MECOM: variants seen among roughly 807,000 people sequenced by gnomAD.
MECOM encodes the protein histone-lysine N-methyltransferase MECOM.
A neutral mutation model predicts 116.3 loss-of-function variants in MECOM; 13 were observed. The ratio of observed to expected loss-of-function variants is 0.11; its 90% CI spans 0.07 to 0.18. The LOEUF (loss-of-function observed/expected upper bound fraction) is 0.18. Ranked by LOEUF, MECOM falls within the 10% of genes least tolerant of loss-of-function variation. The pLI, the probability that MECOM is intolerant of heterozygous loss-of-function variation, is 1.00. For missense variants in MECOM, 1,299 were observed against 1,509.0 expected (o/e 0.86, Z 2.31); for synonymous variants, 528 against 535.2 (o/e 0.99, Z 0.19).
In MECOM at chr3:169,381,383, T is replaced by A; in HGVS notation, c.179A>T (p.Glu60Val). The A allele has an allele frequency of 6.2e-7, 1 of 1,613,908 alleles. No homozygotes were observed. Among genetic ancestry groups the A allele is most frequent in the Non-Finnish European group, 8.5e-7 (1 of 1,179,816 alleles). ...ATSSEAFTPKEGSPYKAPIYI... is the reference protein window; with the variant it reads ...ATSSEAFTPKVGSPYKAPIYI... ...GATGGGGGCTTTGTAAGGAGAACCCTCCTTTGGAGTGAATGCTTCACTGGA... is the reference window on the plus strand; with the variant it reads ...GATGGGGGCTTTGTAAGGAGAACCCACCTTTGGAGTGAATGCTTCACTGGA... The change falls in exon 2 of 17, where the codon GAG becomes GTG. Residue 60 changes from glutamate to valine, a missense_variant. Physicochemically the swap from Glu to Val is moderately radical, Grantham distance 121 (BLOSUM62 -2). Around this residue, in one of 6 missense-constraint regions of MECOM, gnomAD observed 374 missense variants for 433.4 expected, o/e 0.86. Coordinates refer to ENST00000651503, the MANE Select transcript of MECOM (RefSeq NM_004991.4).
intron 1 of MECOM, among the ~76,000 whole-genome samples, chr3:169,392,451 C>A (rs1734365141): frequency 6.6e-6 from 1 of 152,128 alleles, no homozygotes; most frequent in African/African-American, 2.4e-5. Flanking sequence ...AGGTGATAAT[C>A]TTTGCCAAAG....
At chr3:169,570,441 A>T (rs1456912444) in intron 1 of MECOM, among the ~76,000 whole-genome samples, 2 of 152,196 alleles carry the variant, frequency 1.3e-5, no homozygotes, top group Non-Finnish European at 2.9e-5. Flanking sequence ...TCCTTCTGAA[A>T]CTATTCCAAA....
chr3:169,425,921 T>C (rs1431161416), intron 1 of MECOM, among the ~76,000 whole-genome samples: 1 of 152,160 alleles, frequency 6.6e-6, no homozygotes, highest in African/African-American at 2.4e-5. Context: ...TAGAGCCTTT[T>C]GGTAACAGGA....
chr3:169,525,451 G>A (rs968281745), intron 1 of MECOM, among the ~76,000 whole-genome samples: 1 of 152,186 alleles, frequency 6.6e-6, no homozygotes, highest in African/African-American at 2.4e-5. Flanking sequence ...AACAGGGACT[G>A]TAGGGAGTTC....
intron 1 of MECOM, among the ~76,000 whole-genome samples, chr3:169,533,153 G>A (rs1758864518): frequency 7.0e-6 from 1 of 143,252 alleles, no homozygotes; most frequent in Admixed American, 6.9e-5. Context: ...ATATTAAGCA[G>A]CCATCAGATT....
chr3:169,406,576 C>A (rs1041278615), intron 1 of MECOM, among the ~76,000 whole-genome samples: 2 of 152,124 alleles, frequency 1.3e-5, no homozygotes, highest in Admixed American at 1.3e-4. Context: ...GGAATTAGAA[C>A]ATGGAAAGCA....
intron 1 of MECOM, among the ~76,000 whole-genome samples, chr3:169,447,119 C>T (rs193116507): frequency 2.6e-5 from 4 of 152,200 alleles, no homozygotes; most frequent in African/African-American, 9.6e-5. Flanking sequence ...TCAAGTCGTC[C>T]TCATCCTTGA....
At position 169,615,621 on chromosome 3, in the gene MECOM, ATCCAAT is replaced by A. The variant is rs1472235920; in HGVS notation, c.37+47709_37+47714del. On this transcript the variant is annotated intron_variant, in intron 1 of 16. Coordinates refer to ENST00000651503, the MANE Select transcript of MECOM (RefSeq NM_004991.4). ...CCTACTTCATACCATTATATTCATA[ATCCAAT>A]TATTTCTAGAAATCCCATTGATTTC... 2.0e-5 allele frequency among the ~76,000 whole-genome samples: 3 copies of A among 152,208 alleles called. No homozygotes were observed. The East Asian group carries it at 5.8e-4, about 29-fold the overall frequency.
At chr3:169,604,036 T>C (rs2109766643) in intron 1 of MECOM, among the ~76,000 whole-genome samples, 1 of 152,294 alleles carries the variant, frequency 6.6e-6, no homozygotes, top group African/African-American at 2.4e-5. Flanking sequence ...TAAGGAAGTT[T>C]GTGTAATTGC....
rs1731633935 is a variant in MECOM, at chr3:169,378,475, AAGAAAG to A, written c.375+2706_375+2711del. On this transcript the variant is annotated intron_variant, in intron 2 of 16. Coordinates refer to ENST00000651503, the MANE Select transcript of MECOM (RefSeq NM_004991.4). ...AAGGAAAGCAAGCAAGCAAGCAAGCAAGAAAGAGAGAGAGAAAGAAAGAAAGAAAGA... is the reference window on the plus strand; with the variant it reads ...AAGGAAAGCAAGCAAGCAAGCAAGCAAGAGAGAGAAAGAAAGAAAGAAAGA... 6.9e-5 allele frequency among the ~76,000 whole-genome samples: 3 copies of A among 43,776 alleles called. 1 individual carries two copies. In the South Asian group the frequency reaches 1.8e-3, roughly 26 times the overall value. 28.7% of individuals were successfully genotyped at this position (43,776 alleles called of 152,430 possible).
chr3:169,099,287 A>T (rs1319484867), intron 12 of MECOM, among the ~76,000 whole-genome samples: 1 of 152,208 alleles, frequency 6.6e-6, no homozygotes, highest in Non-Finnish European at 1.5e-5. Context: ...AATGAACGTG[A>T]TAACATAGTT....
intron 9 of MECOM, among the ~76,000 whole-genome samples, chr3:169,109,590 G>C (rs550371417): frequency 1.1e-4 from 17 of 152,082 alleles, no homozygotes; most frequent in Middle Eastern, 3.4e-3. Flanking sequence ...AAATTTTTTT[G>C]TATTTAGTAG....
At chr3:169,596,947 G>A (rs1464085163) in intron 1 of MECOM, among the ~76,000 whole-genome samples, 1 of 152,108 alleles carries the variant, frequency 6.6e-6, no homozygotes, top group Non-Finnish European at 1.5e-5. Context: ...AATCTTGCTG[G>A]TTTAAAAAGA....
intron 1 of MECOM, among the ~76,000 whole-genome samples, chr3:169,445,789 C>T (rs1363543419): frequency 6.6e-6 from 1 of 152,166 alleles, no homozygotes; most frequent in Non-Finnish European, 1.5e-5. Flanking sequence ...GCCACAGGGG[C>T]AGAGCTGCCC....
intron 2 of MECOM, among the ~76,000 whole-genome samples, chr3:169,376,353 A>G (rs895166945): frequency 6.6e-6 from 1 of 151,752 alleles, no homozygotes; most frequent in Non-Finnish European, 1.5e-5. Flanking sequence ...AGAAAGAAAT[A>G]AAGAGTATTC....
intron 2 of MECOM, among the ~76,000 whole-genome samples, chr3:169,358,387 T>A (rs1265145965): frequency 1.3e-5 from 2 of 151,724 alleles, no homozygotes; most frequent in African/African-American, 4.8e-5. Context: ...ACTCATTTTT[T>A]AAAACTTAGA....
At chr3:169,354,092 C>T (rs1410897484) in intron 2 of MECOM, among the ~76,000 whole-genome samples, 1 of 151,658 alleles carries the variant, frequency 6.6e-6, no homozygotes, top group African/African-American at 2.4e-5. Flanking sequence ...GTTATAAAGT[C>T]CTGAAGATTT....
intron 1 of MECOM, among the ~76,000 whole-genome samples, chr3:169,506,486 G>A (rs765412743): frequency 1.2e-4 from 16 of 133,938 alleles, no homozygotes; most frequent in Non-Finnish European, 2.1e-4. Flanking sequence ...TAAAGAAAGC[G>A]CTTTAAAGTA....
At chr3:169,657,226 G>C (rs1321163496) in intron 1 of MECOM, among the ~76,000 whole-genome samples, 1 of 152,206 alleles carries the variant, frequency 6.6e-6, no homozygotes, top group Non-Finnish European at 1.5e-5. Flanking sequence ...GCTCCCTTTA[G>C]ACGCAGTTAA....
Sources: allele counts gnomAD v4.1 joint callset (sites outside exome capture counted in the v4.1 genomes callset), GRCh38; gene constraint gnomAD v4.1.1; regional missense constraint gnomAD v4.1.1; transcripts MANE v1.5; gene names NCBI Gene and HGNC (gene_info 2026-07-23, HGNC 2026-07-21).